The following AKT3 variants were observed in gnomAD, a reference collection of about 807,000 sequenced individuals.
AKT3 encodes the protein AKT serine/threonine kinase 3.
AKT3 carries 15 observed loss-of-function variants against 65.3 expected under a neutral mutation model. The ratio of observed to expected loss-of-function variants is 0.23; its 90% CI spans 0.15 to 0.35. The LOEUF (loss-of-function observed/expected upper bound fraction) is 0.35. AKT3 is among the 10% of genes least tolerant of loss of function. The pLI is 1.00. For missense variants in AKT3, 243 were observed against 576.5 expected (o/e 0.42, Z 5.92); for synonymous variants, 206 against 183.8 (o/e 1.12, Z -0.98).
At chr1:243,521,044 T>A (rs1047307743) in intron 12 of AKT3, among the ~76,000 whole-genome samples, 1 of 152,180 alleles carries the variant, frequency 6.6e-6, no homozygotes, top group African/African-American at 2.4e-5. Context: ...TCCACAGACC[T>A]TTTTTAGTAA....
In AKT3 at chr1:243,840,861, CCTT is replaced by C. The variant is rs1572440104; in HGVS notation, c.46+2261_46+2263del. On this transcript the variant is annotated intron_variant, in intron 2 of 13. Transcript: ENST00000673466. ...GTAGGATCAGTATTAAAAGTTAAATCCTTCTATTTTTCACAATGGGGAGATATT... is the reference window on the plus strand; with the variant it reads ...GTAGGATCAGTATTAAAAGTTAAATCCTATTTTTCACAATGGGGAGATATT... Among the ~76,000 whole-genome samples the C allele has an allele frequency of 5.9e-5, 9 of 151,864 alleles. No homozygotes were observed. In the East Asian group the frequency reaches 1.5e-3, roughly 26 times the overall value.
intron 3 of AKT3, among the ~76,000 whole-genome samples, chr1:243,691,178 G>A (rs994954233): frequency 1.3e-5 from 2 of 152,184 alleles, no homozygotes; most frequent in African/African-American, 4.8e-5. Context: ...CCAATCGAAG[G>A]GAACAGCATA....
intron 6 of AKT3, among the ~76,000 whole-genome samples, chr1:243,615,837 T>C (rs532113889): frequency 2.0e-5 from 3 of 152,178 alleles, no homozygotes; most frequent in Admixed American, 2.0e-4. Context: ...ACTCAAGCAT[T>C]ACTCCTGCCT....
chr1:243,813,332 C>T (rs1693302983), intron 2 of AKT3, among the ~76,000 whole-genome samples: 1 of 151,812 alleles, frequency 6.6e-6, no homozygotes, highest in African/African-American at 2.4e-5. Flanking sequence ...GGGATATTCA[C>T]AAAACAAGTG....
chr1:243,499,720 G>A (rs752562729), downstream of AKT3: 5 of 1,513,152 alleles, frequency 3.3e-6, no homozygotes, highest in South Asian at 5.6e-5. Flanking sequence ...TGAAGAACAT[G>A]AGCTATTGAA....
intron 8 of AKT3, among the ~76,000 whole-genome samples, chr1:243,583,166 GTGTGTATA>G (rs1307050472): frequency 1.4e-4 from 12 of 85,822 alleles, no homozygotes; most frequent in South Asian, 8.3e-4. Flanking sequence ...ATGTATATGT[GTGTGTATA>G]TATATATATA....
At chr1:243,706,531 T>C (rs1685808520) in intron 2 of AKT3, among the ~76,000 whole-genome samples, 1 of 152,322 alleles carries the variant, frequency 6.6e-6, no homozygotes, top group Admixed American at 6.5e-5. Context: ...CCAAGGAGTT[T>C]TTCCTCTAAG....
At chr1:243,553,828 A>T (rs1673237258) in intron 10 of AKT3, among the ~76,000 whole-genome samples, 1 of 152,176 alleles carries the variant, frequency 6.6e-6, no homozygotes, top group Admixed American at 6.5e-5. Context: ...TTCTTCATCC[A>T]ATGGAATATT....
At chr1:243,509,362 C>T (rs1013009463) in intron 13 of AKT3, among the ~76,000 whole-genome samples, 2 of 152,100 alleles carry the variant, frequency 1.3e-5, no homozygotes, top group African/African-American at 4.8e-5. Flanking sequence ...ACACTAATGA[C>T]AAATTCTCAT....
Position 243,803,972 on chromosome 1 carries a change from G to A in AKT3, c.46+39153C>T, listed in dbSNP as rs530078709. On this transcript the variant is annotated intron_variant, in intron 2 of 13. Transcript: ENST00000673466. ...TGATGACGTTGCCCTGAGGCTATAA[G>A]CACACAACAGAAGCCTGCTTGAGAA... Among the ~76,000 whole-genome samples, 17 of 152,332 alleles carry A rather than the reference G, an allele frequency of 1.1e-4. No individual in the cohort carries two copies. The East Asian group carries it at 3.3e-3, about 29-fold the overall frequency.
rs554760698 is a variant in AKT3 at position 243,507,739 on chromosome 1, C to T, written c.1355-2405G>A. ...CCCTTGAATCCCTGCATCCAAGGAACATCAGTTGCCTGATTTTCTTAGAAC... is the reference window on the plus strand; with the variant it reads ...CCCTTGAATCCCTGCATCCAAGGAATATCAGTTGCCTGATTTTCTTAGAAC... On this transcript the variant is annotated intron_variant, in intron 13 of 13. Transcript: ENST00000673466. Among the ~76,000 whole-genome samples, 15 of 152,328 alleles carry T rather than the reference C, an allele frequency of 9.8e-5. No homozygotes were observed. In the South Asian group the frequency reaches 2.5e-3, roughly 25 times the overall value.
chr1:243,513,191 G>T (rs904127835), intron 12 of AKT3, among the ~76,000 whole-genome samples: 3 of 152,184 alleles, frequency 2.0e-5, no homozygotes, highest in African/African-American at 7.2e-5. Context: ...GGAGCCCTGT[G>T]AACCTCCACT....
intron 2 of AKT3, among the ~76,000 whole-genome samples, chr1:243,805,678 T>A (rs1447208709): frequency 6.6e-6 from 1 of 152,200 alleles, no homozygotes; most frequent in Admixed American, 6.5e-5. Flanking sequence ...TATTTCACTA[T>A]CCTCTTGTAA....
chr1:243,726,971 C>T, intron 2 of AKT3, among the ~76,000 whole-genome samples: 1 of 152,198 alleles, frequency 6.6e-6, no homozygotes, highest in East Asian at 1.9e-4. Flanking sequence ...AGCCAAGGCT[C>T]CCTGCCTGAG....
intron 2 of AKT3, among the ~76,000 whole-genome samples, chr1:243,711,589 T>A (rs1222031117): frequency 6.6e-6 from 1 of 152,200 alleles, no homozygotes; most frequent in Non-Finnish European, 1.5e-5. Flanking sequence ...ATTATATAAA[T>A]ACTCCAATTG....
intron 9 of AKT3, among the ~76,000 whole-genome samples, chr1:243,566,324 T>C (rs1674154137): frequency 6.6e-6 from 1 of 152,150 alleles, no homozygotes; most frequent in African/African-American, 2.4e-5. Context: ...GGGTAAGGAA[T>C]AGGCTGAGGG....
intron 2 of AKT3, among the ~76,000 whole-genome samples, chr1:243,814,209 A>C (rs1192155098): frequency 6.6e-6 from 1 of 152,212 alleles, no homozygotes; most frequent in African/African-American, 2.4e-5. Flanking sequence ...CAAAATAAAA[A>C]GTTAAAAGGG....
In AKT3 at chr1:243,500,565, G is replaced by GTAAT. The variant is rs1420044047; in HGVS notation, c.*4680_*4683dup. The GTAAT allele has an allele frequency of 3.5e-5, 8 of 228,102 alleles. No homozygotes were observed. Among genetic ancestry groups the GTAAT allele is most frequent in the African/African-American group, 1.6e-4 (7 of 45,046 alleles). 14.1% of individuals were successfully genotyped at this position (228,102 alleles called of 1,614,324 possible). A position where few individuals can be genotyped will look rare whatever the true frequency, so the allele number is the denominator to read the frequency against. ...CAATTAAGCCCTCAAATGCTTTAAA[G>GTAAT]TAATAAAAACGGACACTGGACATAC... On this transcript the variant is annotated 3_prime_UTR_variant, in exon 14 of 14. Transcript: ENST00000673466.
chr1:243,753,957 T>A (rs969180985), intron 2 of AKT3, among the ~76,000 whole-genome samples: 3 of 152,214 alleles, frequency 2.0e-5, no homozygotes, highest in African/African-American at 7.2e-5. Context: ...ATATACTGTC[T>A]TGAATTATTC....
Sources: gnomAD v4.1 joint callset for allele counts (sites outside exome capture counted in the v4.1 genomes callset) on GRCh38, gnomAD v4.1.1 for gene constraint, MANE v1.5 for transcripts, NCBI Gene and HGNC (gene_info 2026-07-23, HGNC 2026-07-21) for gene names.